Variants in PTPN4 observed in about 807,000 individuals in gnomAD.
PTPN4 encodes the protein protein tyrosine phosphatase non-receptor type 4.
Under a neutral mutation model 135.5 loss-of-function variants are expected in PTPN4, and 49 were observed. That is an observed-to-expected ratio of 0.36 (90% CI 0.29 to 0.46). The LOEUF (loss-of-function observed/expected upper bound fraction) is 0.46, where lower values mean the gene tolerates loss of function less well. Ranked by LOEUF, PTPN4 falls within the 20% of genes least tolerant of loss-of-function variation. PTPN4 has a pLI of 1.00. For missense variants in PTPN4, 860 were observed against 1,101.0 expected (o/e 0.78, Z 3.10); for synonymous variants, 333 against 369.9 (o/e 0.90, Z 1.14).
intron 5 of PTPN4, among the ~76,000 whole-genome samples, chr2:119,881,014 A>G (rs1678063464): frequency 6.6e-6 from 1 of 152,156 alleles, no homozygotes; most frequent in South Asian, 2.1e-4. Context: ...CTGGTTAAAC[A>G]TTTAAAACCA....
rs779518632 is a variant in PTPN4 at position 119,946,372 on chromosome 2, T to C, written c.1547T>C (p.Val516Ala). The change falls in exon 17 of 27, where the codon GTC becomes GCC. Residue 516 changes from valine to alanine, a missense_variant. Transcript: ENST00000263708. Reference protein sequence around the residue: ...PNGGIPHDNLVLIRMKPDENG... With the variant: ...PNGGIPHDNLALIRMKPDENG... ...GGTGGTATTCCACATGATAATCTTG[T>C]CCTAATCAGAATGAAACCTGATGAA... is the stretch of plus-strand genomic sequence containing the variant. 4 of 1,611,378 alleles carry C rather than the reference T, an allele frequency of 2.5e-6. No homozygotes were observed. The highest frequency in any genetic ancestry group is 3.4e-6 in the Non-Finnish European group (4 of 1,178,570).
chr2:119,887,601 C>G (rs1398665993), intron 9 of PTPN4, among the ~76,000 whole-genome samples: 2 of 152,318 alleles, frequency 1.3e-5, no homozygotes, highest in East Asian at 3.9e-4. Context: ...ATGTGGCTAT[C>G]TGATTTTCTC....
At position 119,760,186 on chromosome 2, in the gene PTPN4, G is replaced by A. The variant is rs1223528883; in HGVS notation, c.-216G>A. 7.6e-6 allele frequency: 3 copies of A among 394,490 alleles called. No individual in the cohort carries two copies. The highest frequency in any genetic ancestry group is 3.6e-5 in the East Asian group (1 of 27,808). The allele number at this position is 394,490 out of a possible 1,614,324, so 24.4% of individuals were successfully genotyped here. On this transcript the variant is annotated 5_prime_UTR_variant, in exon 1 of 27. Coordinates refer to ENST00000263708, the MANE Select transcript of PTPN4 (RefSeq NM_002830.4). ...CCCGCCTCCCTGCCACCTCCCCAGCGGCGCCGGCCCGCGGCTGCCCAGCAG... is the reference window on the plus strand; with the variant it reads ...CCCGCCTCCCTGCCACCTCCCCAGCAGCGCCGGCCCGCGGCTGCCCAGCAG...
intron 2 of PTPN4, among the ~76,000 whole-genome samples, chr2:119,830,627 C>A (rs1574357213): frequency 6.6e-6 from 1 of 152,138 alleles, no homozygotes; most frequent in Non-Finnish European, 1.5e-5. Context: ...CGTCACCACG[C>A]CCCGCTAATT....
chr2:119,898,391 A>C (rs1421705844), intron 9 of PTPN4, among the ~76,000 whole-genome samples: 1 of 152,156 alleles, frequency 6.6e-6, no homozygotes. Context: ...CTAGAGTAGA[A>C]GATTTTTACC....
At chr2:119,971,673 GA>G (rs1472038185) in intron 26 of PTPN4, among the ~76,000 whole-genome samples, 4 of 152,188 alleles carry the variant, frequency 2.6e-5, no homozygotes, top group African/African-American at 4.8e-5. Flanking sequence ...TGAATTTGGT[GA>G]AGTCTAGTTT....
chr2:119,973,133 A>AAAAG (rs1228564240), intron 26 of PTPN4, among the ~76,000 whole-genome samples: 6 of 152,010 alleles, frequency 3.9e-5, no homozygotes, highest in Admixed American at 1.3e-4. Flanking sequence ...TGCAAAACCA[A>AAAAG]AACTCTATAT....
intron 24 of PTPN4, 26 bp from the exon 25 acceptor site, chr2:119,965,471 G>A: frequency 1.3e-6 from 2 of 1,584,798 alleles, no homozygotes; most frequent in Admixed American, 3.6e-5. Flanking sequence ...ATAAGTCAAG[G>A]TGCATAATTT....
In PTPN4 at chr2:119,967,929, T is replaced by C; in HGVS notation, c.2651T>C (p.Val884Ala). ...CNQPVYPLDI[V>A]RTMRDQRAMM... is the part of the protein sequence containing the mutation. ...CAGCCAGTTTATCCACTAGATATTG[T>C]AAGAACAATGAGAGATCAGCGAGCC... Residue 884 changes from valine (V) to alanine (A), a missense_variant, in exon 26 of 27, where the codon GTA (valine) becomes GCA (alanine). By Grantham distance (64) the Val-to-Ala change is moderately conservative (BLOSUM62 0). Transcript: ENST00000263708. 6.2e-7 allele frequency: 1 copy of C among 1,610,412 alleles called. No individual in the cohort carries two copies. Among genetic ancestry groups the C allele is most frequent in the East Asian group, 2.2e-5 (1 of 44,814 alleles).
At chr2:119,839,645 T>TC (rs780898661) in intron 2 of PTPN4, among the ~76,000 whole-genome samples, 1 of 152,232 alleles carries the variant, frequency 6.6e-6, no homozygotes, top group Non-Finnish European at 1.5e-5. Flanking sequence ...ACCAAAGTGT[T>TC]CAAGTATTTC....
chr2:119,844,452 C>T (rs1236808199), intron 2 of PTPN4, among the ~76,000 whole-genome samples: 1 of 147,722 alleles, frequency 6.8e-6, no homozygotes, highest in Non-Finnish European at 1.5e-5. Context: ...CCTCACTTCT[C>T]AGACGGGGCA....
chr2:119,973,674 T>G (rs1679572022), intron 26 of PTPN4, among the ~76,000 whole-genome samples: 1 of 142,816 alleles, frequency 7.0e-6, no homozygotes, highest in African/African-American at 2.6e-5. Flanking sequence ...TTTTTTTTTT[T>G]TTTTTTTTGG....
chr2:119,847,058 A>C (rs1302259777), intron 2 of PTPN4, among the ~76,000 whole-genome samples: 1 of 150,606 alleles, frequency 6.6e-6, no homozygotes, highest in Non-Finnish European at 1.5e-5. Flanking sequence ...CCTTCTATTG[A>C]TCATTTCTGG....
chr2:119,873,063 A>G (rs1446254956), intron 3 of PTPN4, among the ~76,000 whole-genome samples: 2 of 152,124 alleles, frequency 1.3e-5, no homozygotes, highest in African/African-American at 2.4e-5. Context: ...TGGTGCGATC[A>G]TGGCTTACAG....
chr2:119,961,094 T>C, intron 23 of PTPN4, 141 bp downstream of exon 23: 2 of 1,017,660 alleles, frequency 2.0e-6, no homozygotes, highest in Non-Finnish European at 2.8e-6. Context: ...TAAATCATCA[T>C]GTTTAAGTGC....
At chr2:119,845,664 A>G (rs979906210) in intron 2 of PTPN4, among the ~76,000 whole-genome samples, 5 of 151,974 alleles carry the variant, frequency 3.3e-5, no homozygotes, top group African/African-American at 9.7e-5. Context: ...TTCTCAAAAA[A>G]CTAACTTTCG....
intron 1 of PTPN4, among the ~76,000 whole-genome samples, chr2:119,805,545 G>T (rs899875692): frequency 1.3e-5 from 2 of 151,588 alleles, no homozygotes; most frequent in African/African-American, 4.8e-5. Flanking sequence ...TATTAAATAG[G>T]GCCATTTCTT....
chr2:119,864,741 T>C (rs1342390437), intron 3 of PTPN4, among the ~76,000 whole-genome samples: 1 of 152,188 alleles, frequency 6.6e-6, no homozygotes, highest in South Asian at 2.1e-4. Flanking sequence ...GTAGGGCTAA[T>C]TACACCAGAA....
At chr2:119,935,473 G>A (rs1678968594) in intron 15 of PTPN4, among the ~76,000 whole-genome samples, 1 of 152,136 alleles carries the variant, frequency 6.6e-6, no homozygotes, top group South Asian at 2.1e-4. Flanking sequence ...GTGGTAGGTG[G>A]AAGAGAGTAC....
Sources: gnomAD v4.1 joint callset for allele counts (sites outside exome capture counted in the v4.1 genomes callset) on GRCh38, gnomAD v4.1.1 for gene constraint, MANE v1.5 for transcripts, NCBI Gene and HGNC (gene_info 2026-07-23, HGNC 2026-07-21) for gene names.